Variants in DNAJC1 observed in about 807,000 individuals in gnomAD.
The protein encoded by DNAJC1 is dnaJ homolog subfamily C member 1.
In DNAJC1, 58 loss-of-function variants were observed where a neutral mutation model predicts 76.6. That is an observed-to-expected ratio of 0.76 (90% CI 0.61 to 0.94). The LOEUF is 0.94. Ranked by LOEUF, DNAJC1 falls within the 40% of genes least tolerant of loss-of-function variation. The pLI is 0.00. For synonymous variants in DNAJC1, 258 were observed against 267.9 expected, an observed-to-expected ratio of 0.96 and a Z score of 0.36; for missense variants, 689 against 677.3, an observed-to-expected ratio of 1.02 and a Z score of -0.19.
At chr10:21,757,226 G>A (rs1834186858) in intron 11 of DNAJC1, among the ~76,000 whole-genome samples, 2 of 152,154 alleles carry the variant, frequency 1.3e-5, no homozygotes, top group Admixed American at 1.3e-4. Context: ...ACTTGTGCTG[G>A]AATACTCATT....
chr10:21,897,597 T>C (rs1006458762), intron 7 of DNAJC1, among the ~76,000 whole-genome samples: 2 of 152,168 alleles, frequency 1.3e-5, no homozygotes, highest in Admixed American at 1.3e-4. Context: ...TTCTCAAGGA[T>C]CTAAGTTGCA....
intron 10 of DNAJC1, among the ~76,000 whole-genome samples, chr10:21,762,152 T>C (rs1237123613): frequency 6.6e-6 from 1 of 152,174 alleles, no homozygotes; most frequent in Non-Finnish European, 1.5e-5. Flanking sequence ...TTGGCCAGGA[T>C]GGTCTCAATC....
intron 9 of DNAJC1, among the ~76,000 whole-genome samples, chr10:21,771,023 TTTAA>T (rs1180214433): frequency 6.6e-6 from 1 of 152,182 alleles, no homozygotes; most frequent in Non-Finnish European, 1.5e-5. Flanking sequence ...TTTCACTTCT[TTTAA>T]TTTATTCCTG....
At chr10:21,776,800 A>G (rs1168706598) in intron 9 of DNAJC1, among the ~76,000 whole-genome samples, 1 of 152,230 alleles carries the variant, frequency 6.6e-6, no homozygotes, top group African/African-American at 2.4e-5. Context: ...TCTATAAGCA[A>G]TGCGGATAGC....
chr10:21,888,021 C>G (rs1410973756), intron 7 of DNAJC1, among the ~76,000 whole-genome samples: 1 of 152,032 alleles, frequency 6.6e-6, no homozygotes, highest in Non-Finnish European at 1.5e-5. Context: ...CCATAAGGAA[C>G]TTCAATAAAT....
chr10:21,977,827 T>C (rs1420641015), intron 1 of DNAJC1, among the ~76,000 whole-genome samples: 1 of 152,108 alleles, frequency 6.6e-6, no homozygotes, highest in Non-Finnish European at 1.5e-5. Context: ...TTTCTCTCTT[T>C]TGGAAAGCTG....
intron 9 of DNAJC1, among the ~76,000 whole-genome samples, chr10:21,772,751 T>C (rs1033684313): frequency 2.6e-5 from 4 of 152,146 alleles, no homozygotes; most frequent in African/African-American, 9.7e-5. Flanking sequence ...CTGCTTGTAA[T>C]AGTCCGCTCT....
intron 3 of DNAJC1, among the ~76,000 whole-genome samples, chr10:21,924,007 G>T (rs1837079017): frequency 6.6e-6 from 1 of 151,872 alleles, no homozygotes; most frequent in Non-Finnish European, 1.5e-5. Flanking sequence ...GTATTACAAA[G>T]CTTGAATTTT....
chr10:21,908,489 TG>T (rs55980435), intron 6 of DNAJC1, among the ~76,000 whole-genome samples: 66 of 137,084 alleles, frequency 4.8e-4, no homozygotes, highest in Admixed American at 1.1e-3. Context: ...CCATTTTTCA[TG>T]GGGGGGGGGT....
intron 6 of DNAJC1, among the ~76,000 whole-genome samples, chr10:21,916,552 C>T (rs1030601853): frequency 6.6e-6 from 1 of 152,080 alleles, no homozygotes; most frequent in Non-Finnish European, 1.5e-5. Context: ...ACATAAAGTA[C>T]ACGTTTTAAA....
At chr10:21,945,906 C>T (rs576294081) in intron 1 of DNAJC1, among the ~76,000 whole-genome samples, 70 of 139,742 alleles carry the variant, frequency 5.0e-4, no homozygotes, top group African/African-American at 1.8e-3. Flanking sequence ...TTAACTTAAC[C>T]CTTTCTCTCC....
At chr10:21,765,648 C>G (rs1834291645) in intron 10 of DNAJC1, among the ~76,000 whole-genome samples, 1 of 152,104 alleles carries the variant, frequency 6.6e-6, no homozygotes, top group Non-Finnish European at 1.5e-5. Flanking sequence ...AGTTCAAGAC[C>G]AGCCTAGCCA....
At chr10:21,944,280 T>C (rs1837470166) in intron 1 of DNAJC1, among the ~76,000 whole-genome samples, 1 of 151,968 alleles carries the variant, frequency 6.6e-6, no homozygotes, top group South Asian at 2.1e-4. Context: ...TGTAATAGAA[T>C]AATACTGGAT....
intron 9 of DNAJC1, chr10:21,803,828 C>G (rs1284781470): frequency 9.4e-6 from 9 of 961,132 alleles, no homozygotes; most frequent in Non-Finnish European, 1.1e-5. Context: ...TTCCAAGGTA[C>G]CTTTGTTATT....
intron 6 of DNAJC1, among the ~76,000 whole-genome samples, chr10:21,911,040 A>AAAGG (rs56239918): frequency 0.034 from 4,465 of 130,036 alleles, 118 homozygotes; most frequent in Middle Eastern, 0.067. Context: ...AAAGAGAGAG[A>AAAGG]AAGGAAGGAA....
intron 9 of DNAJC1, among the ~76,000 whole-genome samples, chr10:21,803,275 C>T (rs75892370): frequency 6.6e-6 from 1 of 152,110 alleles, no homozygotes; most frequent in South Asian, 2.1e-4. Context: ...CAAGGAAACC[C>T]GGTCAAAGAA....
At chr10:21,882,481 G>T in intron 7 of DNAJC1, 42 bp from the exon 8 acceptor site, 1 of 1,272,748 alleles carries the variant, frequency 7.9e-7, no homozygotes, top group Non-Finnish European at 1.1e-6. Context: ...GATTTTTAAA[G>T]AATAAAATTA....
Position 21,756,550 on chromosome 10 carries a change from ATCT to A in DNAJC1, c.*134_*136del, listed in dbSNP as rs1396730929. 6.2e-6 allele frequency: 4 copies of A among 643,786 alleles called. No individual in the cohort carries two copies. The Admixed American group carries it at 1.0e-4, about 16-fold the overall frequency. The allele number at this position is 643,786 out of a possible 1,614,324, so 39.9% of individuals were successfully genotyped here. A position where few individuals can be genotyped will look rare whatever the true frequency, so the allele number is the denominator to read the frequency against. ...GTTTAAACAGTATAGCACAACACTC[ATCT>A]TTTATTTATTTATTATTTTTTTTTA... On this transcript the variant is annotated 3_prime_UTR_variant, in exon 12 of 12. Transcript: ENST00000376980.
chr10:21,781,431 A>C (rs975149769), intron 9 of DNAJC1, among the ~76,000 whole-genome samples: 1 of 152,224 alleles, frequency 6.6e-6, no homozygotes, highest in Non-Finnish European at 1.5e-5. Context: ...CAGGATTAAG[A>C]AACTCACTCG....
Sources: gnomAD v4.1 joint callset for allele counts (sites outside exome capture counted in the v4.1 genomes callset) on GRCh38, gnomAD v4.1.1 for gene constraint, MANE v1.5 for transcripts, NCBI Gene and HGNC (gene_info 2026-07-23, HGNC 2026-07-21) for gene names.